The following ERC1 variants were observed in gnomAD, a reference collection of about 807,000 sequenced individuals.
The protein encoded by ERC1 is RAB6 interacting protein 2.
ERC1 carries 56 observed loss-of-function variants against 132.0 expected under a neutral mutation model. The observed-to-expected ratio is 0.42, with a 90% CI of 0.34 to 0.53. ERC1 has a LOEUF of 0.53. Ranked by LOEUF, ERC1 falls within the 20% of genes least tolerant of loss-of-function variation. The pLI, the probability that ERC1 is intolerant of heterozygous loss-of-function variation, is 0.03. For synonymous variants in ERC1, 478 were observed against 476.1 expected, an observed-to-expected ratio of 1.00 and a Z score of -0.05; for missense variants, 1,202 against 1,349.9, an observed-to-expected ratio of 0.89 and a Z score of 1.72.
At chr12:1,166,859 T>C (rs565846836) in intron 8 of ERC1, among the ~76,000 whole-genome samples, 1 of 152,322 alleles carries the variant, frequency 6.6e-6, no homozygotes, top group East Asian at 1.9e-4. Flanking sequence ...GATAAATGCT[T>C]AATTTTCAAG....
Position 1,250,514 on chromosome 12 carries a change from G to T in ERC1, c.2488-12520G>T, listed in dbSNP as rs143936379. ...TTTTCTTAAACACTGTTTTGCATAG[G>T]TTCATTAATTATAGCTGTACTTATT... On this transcript the variant is annotated intron_variant, in intron 13 of 18. Transcript: ENST00000360905. Among the ~76,000 whole-genome samples, 713 of 152,082 alleles carry T rather than the reference G, an allele frequency of 4.7e-3. 8 individuals carry two copies. The highest frequency in any genetic ancestry group is 0.017 in the African/African-American group (686 of 41,488).
rs115600419 is a variant in ERC1, at chr12:1,374,706, C to T, written c.2925+2729C>T. On this transcript the variant is annotated intron_variant, in intron 16 of 18. Coordinates refer to ENST00000360905, the MANE Select transcript of ERC1 (RefSeq NM_178040.4). ...TCTCAGCATTGTTTTCTTCTTTTCA[C>T]CTCCAGAATTTTACAACCTCCGTAT... 5.2e-3 allele frequency among the ~76,000 whole-genome samples: 797 copies of T among 152,278 alleles called. 6 individuals are homozygous for T. Among genetic ancestry groups the T allele is most frequent in the African/African-American group, 0.018 (752 of 41,550 alleles).
chr12:1,474,918 C>T (rs756280029), intron 18 of ERC1, among the ~76,000 whole-genome samples: 1 of 152,214 alleles, frequency 6.6e-6, no homozygotes, highest in African/African-American at 2.4e-5. Flanking sequence ...CGCTTCCAGC[C>T]TGTGTTGCTT....
intron 15 of ERC1, among the ~76,000 whole-genome samples, chr12:1,311,175 AAC>A (rs1446229089): frequency 6.6e-6 from 1 of 152,242 alleles, no homozygotes; most frequent in Non-Finnish European, 1.5e-5. Context: ...AAACTTTAAA[AAC>A]AGATACACCA....
At chr12:1,180,286 C>CGT (rs1466185521) in intron 8 of ERC1, among the ~76,000 whole-genome samples, 22 of 125,818 alleles carry the variant, frequency 1.7e-4, no homozygotes, top group African/African-American at 9.2e-4. Flanking sequence ...TGTGTGTGCG[C>CGT]GCACGCGTGT....
intron 15 of ERC1, among the ~76,000 whole-genome samples, chr12:1,293,971 T>G (rs1171679648): frequency 1.3e-5 from 2 of 152,162 alleles, no homozygotes; most frequent in African/African-American, 4.8e-5. Context: ...TAATATAAAA[T>G]TATTTTACAC....
intron 12 of ERC1, among the ~76,000 whole-genome samples, chr12:1,190,743 A>G (rs1384773851): frequency 6.6e-6 from 1 of 152,166 alleles, no homozygotes; most frequent in Non-Finnish European, 1.5e-5. Flanking sequence ...TACACCACAT[A>G]TTTAACATAA....
chr12:1,266,915 C>T (rs1343197681), intron 14 of ERC1, among the ~76,000 whole-genome samples: 1 of 152,146 alleles, frequency 6.6e-6, no homozygotes, highest in East Asian at 1.9e-4. Context: ...GGTAGGATAT[C>T]TACATCTCTT....
At chr12:1,245,797 GT>G (rs1345946630) in intron 13 of ERC1, among the ~76,000 whole-genome samples, 1 of 152,012 alleles carries the variant, frequency 6.6e-6, no homozygotes, top group Non-Finnish European at 1.5e-5. Flanking sequence ...CGATGTCATG[GT>G]GCCACTCAGT....
At chr12:1,484,101 C>A (rs184811442) in intron 18 of ERC1, among the ~76,000 whole-genome samples, 32 of 142,542 alleles carry the variant, frequency 2.2e-4, no homozygotes, top group East Asian at 1.4e-3. Context: ...GTCAGGAGAT[C>A]AAGACCTTCC....
intron 9 of ERC1, among the ~76,000 whole-genome samples, chr12:1,181,521 A>T (rs1230397361): frequency 1.3e-5 from 2 of 152,202 alleles, no homozygotes; most frequent in Non-Finnish European, 2.9e-5. Context: ...TATTCTGGCC[A>T]GGCACAATGA....
At chr12:1,298,173 T>C (rs2080110711) in intron 15 of ERC1, among the ~76,000 whole-genome samples, 1 of 152,206 alleles carries the variant, frequency 6.6e-6, no homozygotes, top group South Asian at 2.1e-4. Flanking sequence ...ATTTCTAATC[T>C]AAATAGACTT....
At chr12:1,180,280 T>C (rs565877382) in intron 8 of ERC1, among the ~76,000 whole-genome samples, 99 of 140,830 alleles carry the variant, frequency 7.0e-4, no homozygotes, top group African/African-American at 2.5e-3. Context: ...TGTGTGTGTG[T>C]GTGCGCGCAC....
chr12:1,306,816 A>T (rs2080918505), intron 15 of ERC1, among the ~76,000 whole-genome samples: 1 of 152,052 alleles, frequency 6.6e-6, no homozygotes, highest in Non-Finnish European at 1.5e-5. Context: ...TTAATTACTC[A>T]TTTTATTGTA....
At chr12:1,059,201 G>A (rs1444824080) in intron 2 of ERC1, among the ~76,000 whole-genome samples, 1 of 152,134 alleles carries the variant, frequency 6.6e-6, no homozygotes, top group Non-Finnish European at 1.5e-5. Flanking sequence ...TGCAACTTTA[G>A]TGAATTTGTT....
chr12:1,333,985 T>C (rs2083099780), intron 15 of ERC1, among the ~76,000 whole-genome samples: 1 of 152,242 alleles, frequency 6.6e-6, no homozygotes, highest in Non-Finnish European at 1.5e-5. Flanking sequence ...GTTTCAATTT[T>C]TTCTCTAATG....
At chr12:1,300,411 G>C (rs1035781457) in intron 15 of ERC1, among the ~76,000 whole-genome samples, 1 of 152,068 alleles carries the variant, frequency 6.6e-6, no homozygotes, top group African/African-American at 2.4e-5. Flanking sequence ...AGGATTTCAT[G>C]ACAAAGACGC....
rs1312443007 is a variant in ERC1, at chr12:1,494,398, C to A, written c.*4168C>A. 3 of 232,038 alleles carry A rather than the reference C, an allele frequency of 1.3e-5. No homozygotes were observed. 14.4% of individuals were successfully genotyped at this position (232,038 alleles called of 1,614,324 possible). ...TAGGGAAGAATTAGGCAAGAAAAGA[C>A]ATACATTACAGGGAAATCCTTCTGA... On this transcript the variant is annotated 3_prime_UTR_variant, in exon 19 of 19. Coordinates refer to ENST00000360905, the MANE Select transcript of ERC1 (RefSeq NM_178040.4).
chr12:1,482,315 C>G (rs1250848882), intron 18 of ERC1, among the ~76,000 whole-genome samples: 1 of 152,120 alleles, frequency 6.6e-6, no homozygotes, highest in Non-Finnish European at 1.5e-5. Flanking sequence ...TACCCACCCC[C>G]CCAACCCTGC....
Sources: gnomAD v4.1 joint callset for allele counts (sites outside exome capture counted in the v4.1 genomes callset) on GRCh38, gnomAD v4.1.1 for gene constraint, MANE v1.5 for transcripts, NCBI Gene and HGNC (gene_info 2026-07-23, HGNC 2026-07-21) for gene names.